Variants in SSH1 observed in about 807,000 individuals in gnomAD.
SSH1 encodes slingshot protein phosphatase 1.
Under a neutral mutation model 79.7 loss-of-function variants are expected in SSH1, and 43 were observed. That is an observed-to-expected ratio of 0.54 (90% CI 0.42 to 0.70). SSH1 has a LOEUF of 0.70. Among genes scored for constraint, SSH1 ranks in the 30% least tolerant of loss-of-function variants. SSH1 has a pLI of 0.00. For missense variants in SSH1, 1,206 were observed against 1,358.8 expected, an observed-to-expected ratio of 0.89 and a Z score of 1.77; for synonymous variants, 599 against 538.3, an observed-to-expected ratio of 1.11 and a Z score of -1.56.
intron 2 of SSH1, among the ~76,000 whole-genome samples, chr12:108,839,580 G>A (rs769639982): frequency 6.6e-6 from 1 of 152,210 alleles, no homozygotes; most frequent in Non-Finnish European, 1.5e-5. Context: ...AATGACTTCT[G>A]TGGGCACAGG....
At chr12:108,826,418 A>G (rs2038311331) in intron 2 of SSH1, 1 of 286,640 alleles carries the variant, frequency 3.5e-6, no homozygotes, top group Admixed American at 5.1e-5. Context: ...AAAAAGCAAG[A>G]CTGGAAGCTG....
chr12:108,821,791 C>A (rs1432263681), intron 3 of SSH1, among the ~76,000 whole-genome samples: 7 of 152,162 alleles, frequency 4.6e-5, no homozygotes, highest in African/African-American at 1.4e-4. Context: ...ACTGACTGAG[C>A]CTTGGTGTTT....
chr12:108,813,576 G>C (rs1357927338), intron 5 of SSH1, among the ~76,000 whole-genome samples: 3 of 151,674 alleles, frequency 2.0e-5, no homozygotes, highest in African/African-American at 7.3e-5. Flanking sequence ...AGCTGGGAAT[G>C]GTGGCATGTG....
At position 108,787,029 on chromosome 12, in the gene SSH1, C is replaced by T. The variant is rs758812479; in HGVS notation, c.*959G>A. On this transcript the variant is annotated 3_prime_UTR_variant, in exon 15 of 15. Transcript: ENST00000326495. ...ACAGTCCCGTTCCTTTCGGGGAAGC[C>T]GCTGAAATCTCCTTTCCCTTCCCTA... 5 of 152,312 alleles carry T rather than the reference C, an allele frequency of 3.3e-5. No homozygotes were observed. The highest frequency in any genetic ancestry group is 1.2e-4 in the African/African-American group (5 of 41,560). 9.4% of individuals were successfully genotyped at this position (152,312 alleles called of 1,614,324 possible). A position where few individuals can be genotyped will look rare whatever the true frequency, so the allele number is the denominator to read the frequency against.
rs1450408371 is a variant in SSH1 at position 108,779,171 on chromosome 12, C to G, written c.*8817G>C. The G allele has an allele frequency of 6.6e-6, 1 of 152,122 alleles. No individual in the cohort carries two copies. The highest frequency in any genetic ancestry group is 1.5e-5 in the Non-Finnish European group (1 of 68,038). The allele number at this position is 152,122 out of a possible 1,614,324, so 9.4% of individuals were successfully genotyped here. A position where few individuals can be genotyped will look rare whatever the true frequency, so the allele number is the denominator to read the frequency against. On this transcript the variant is annotated 3_prime_UTR_variant, in exon 15 of 15. Transcript: ENST00000326495. ...TGGGAGGTTGCTAATGTAAATGCCA[C>G]ACTGTATTTGCTGAAGTGGTTTACA...
chr12:108,836,451 A>G (rs1038504532), intron 2 of SSH1, among the ~76,000 whole-genome samples: 1 of 152,302 alleles, frequency 6.6e-6, no homozygotes, highest in Admixed American at 6.5e-5. Flanking sequence ...TGTTGCCAGA[A>G]AGCAAGAAAG....
chr12:108,839,890 T>C (rs545652172), intron 2 of SSH1, among the ~76,000 whole-genome samples: 1 of 152,164 alleles, frequency 6.6e-6, no homozygotes, highest in East Asian at 1.9e-4. Context: ...CCACTGGGTA[T>C]AGGCCAGGGC....
chr12:108,823,315 G>T lies in SSH1; in HGVS notation c.157C>A (p.Gln53Lys), dbSNP rs777492084. Residue 53 changes from glutamine (Q) to lysine (K), a missense_variant, in exon 3 of 15, where the codon CAA becomes AAA. Transcript: ENST00000326495. ...TGGCCTTGAGGGCTGCTTCCCTGTT[G>T]TAAGAAGAGGGCTGCGCCTTTCACC... is the stretch of plus-strand genomic sequence containing the variant. ...FMVKGAALFL[Q>K]QGSSPQGQRS... 8.2e-6 allele frequency: 13 copies of T among 1,587,816 alleles called. No individual in the cohort carries two copies. The highest frequency in any genetic ancestry group is 2.3e-5 in the South Asian group (2 of 87,056).
intron 2 of SSH1, among the ~76,000 whole-genome samples, chr12:108,848,246 G>T (rs114733673): frequency 0.022 from 3,347 of 152,226 alleles, 132 homozygotes; most frequent in African/African-American, 0.077. Flanking sequence ...CGCCACCAGG[G>T]AACTTGAGAA....
chr12:108,843,236 G>A (rs766355849), intron 2 of SSH1, among the ~76,000 whole-genome samples: 2 of 152,074 alleles, frequency 1.3e-5, no homozygotes, highest in Non-Finnish European at 1.5e-5. Context: ...TAACAGCACC[G>A]ATATTACTAA....
At chr12:108,790,784 GC>G (rs1235438788) in intron 14 of SSH1, among the ~76,000 whole-genome samples, 4 of 152,176 alleles carry the variant, frequency 2.6e-5, no homozygotes, top group Non-Finnish European at 4.4e-5. Context: ...GACCCCAAGT[GC>G]CCCCACTTGA....
chr12:108,787,327 T>C lies in SSH1; in HGVS notation c.*661A>G, dbSNP rs969526537. ...CAGGACAGGGCGCCTGCACCACCAT[T>C]CGGGCACAGAGTCAGCTCAACAACA... On this transcript the variant is annotated 3_prime_UTR_variant, in exon 15 of 15. Transcript: ENST00000326495. The C allele has an allele frequency of 6.5e-6, 1 of 152,834 alleles. No individual in the cohort carries two copies. The highest frequency in any genetic ancestry group is 2.4e-5 in the African/African-American group (1 of 41,392). 9.5% of individuals were successfully genotyped at this position (152,834 alleles called of 1,614,324 possible).
At chr12:108,852,041 C>G (rs1431343486) in intron 2 of SSH1, among the ~76,000 whole-genome samples, 1 of 151,696 alleles carries the variant, frequency 6.6e-6, no homozygotes, top group Non-Finnish European at 1.5e-5. Context: ...GACCTTGTCT[C>G]TATTAGAAAA....
At chr12:108,844,934 C>T (rs866474813) in intron 2 of SSH1, among the ~76,000 whole-genome samples, 1 of 152,000 alleles carries the variant, frequency 6.6e-6, no homozygotes, top group African/African-American at 2.4e-5. Flanking sequence ...TACGGTGAAA[C>T]CCCATCTCTA....
intron 2 of SSH1, chr12:108,827,260 T>C: frequency 1.3e-6 from 2 of 1,547,332 alleles, no homozygotes; most frequent in Non-Finnish European, 1.7e-6. Context: ...TGGTCATACG[T>C]ACTAATTTGA....
chr12:108,840,193 G>C (rs1427394444), intron 2 of SSH1, among the ~76,000 whole-genome samples: 1 of 152,014 alleles, frequency 6.6e-6, no homozygotes, highest in South Asian at 2.1e-4. Context: ...CAAAGCAGGA[G>C]CCCCCGCACC....
rs1351925587 is a variant in SSH1, at chr12:108,857,567, C to T, written c.-71G>A. ...CCGCCACCGCCACCGCCGCCCGGGC[C>T]GGGCCCGGGGCCTCCTGGAGCCGCG... On this transcript the variant is annotated 5_prime_UTR_variant, in exon 1 of 15. Coordinates refer to ENST00000326495, the MANE Select transcript of SSH1 (RefSeq NM_018984.4). This position sits in a 1 kb window ranked among gnomAD's most constrained non-coding sequence, Gnocchi z 4.7. 4 of 944,174 alleles carry T rather than the reference C, an allele frequency of 4.2e-6. No homozygotes were observed. The highest frequency in any genetic ancestry group is 3.6e-5 in the African/African-American group (2 of 55,408). 58.5% of individuals were successfully genotyped at this position (944,174 alleles called of 1,614,324 possible).
intron 1 of SSH1, among the ~76,000 whole-genome samples, chr12:108,854,694 G>C (rs1312429898): frequency 6.6e-6 from 1 of 152,176 alleles, no homozygotes; most frequent in Non-Finnish European, 1.5e-5. Flanking sequence ...GTCACTCTCT[G>C]AGGTTCTCAG....
chr12:108,840,967 C>T (rs2038763395), intron 2 of SSH1, among the ~76,000 whole-genome samples: 1 of 152,168 alleles, frequency 6.6e-6, no homozygotes, highest in Admixed American at 6.5e-5. Flanking sequence ...TCGTGATAGT[C>T]AGTTACAAAT....
Sources: gnomAD v4.1 joint callset for allele counts (sites outside exome capture counted in the v4.1 genomes callset) on GRCh38, gnomAD v4.1.1 for gene constraint, Gnocchi (gnomAD v3.1) non-coding constraint, MANE v1.5 for transcripts, NCBI Gene and HGNC (gene_info 2026-07-23, HGNC 2026-07-21) for gene names.